Variants in TXNDC11 observed in about 807,000 individuals in gnomAD.
The protein encoded by TXNDC11 is thioredoxin domain-containing protein 11.
A neutral mutation model predicts 78.0 loss-of-function variants in TXNDC11; 68 were observed. The observed-to-expected ratio is 0.87, with a 90% confidence interval of 0.72 to 1.07. TXNDC11 has a LOEUF of 1.07. Ranked by LOEUF, TXNDC11 falls within the 50% of genes least tolerant of loss-of-function variation. TXNDC11 has a pLI of 0.00. For synonymous variants in TXNDC11, 571 were observed against 495.2 expected, an observed-to-expected ratio of 1.15 and a Z score of -2.03; for missense variants, 1,389 against 1,221.8, an observed-to-expected ratio of 1.14 and a Z score of -2.04.
chr16:11,719,940 C>T (rs1181125013), intron 5 of TXNDC11, among the ~76,000 whole-genome samples: 2 of 152,112 alleles, frequency 1.3e-5, no homozygotes, highest in Admixed American at 1.3e-4. Flanking sequence ...AGGCACATTC[C>T]AGGAAGAAGG....
At position 11,736,173 on chromosome 16, in the gene TXNDC11, A is replaced by C; in HGVS notation, c.315T>G (p.Ser105=). 6.2e-7 allele frequency: 1 copy of C among 1,614,160 alleles called. No individual in the cohort carries two copies. The highest frequency in any genetic ancestry group is 1.1e-5 in the South Asian group (1 of 91,084). Residue 105 remains serine, a synonymous_variant, in exon 2 of 12, where the codon TCT becomes TCG. Coordinates refer to ENST00000283033, the MANE Select transcript of TXNDC11 (RefSeq NM_015914.7). The stretch of plus-strand genomic sequence containing the variant: ...GCCCCTGGAAGAGGTCAAGGACTGG[A>C]GACCTCAAGGAGAAAAAGCTGACAG... ...KPPVSFFSLR[S]PVLDLFQGQL...
rs1173261895 is a variant in TXNDC11 at position 11,725,549 on chromosome 16, G to A, written c.700-3879C>T. Among the ~76,000 whole-genome samples, 4 of 152,136 alleles carry A rather than the reference G, an allele frequency of 2.6e-5. No individual in the cohort carries two copies. In the East Asian group the frequency reaches 7.7e-4, roughly 29 times the overall value. ...AGGAACATGATAGACAAGAATTTGG[G>A]GAGCCACAAGGCTGGGCTGTCGTCC... On this transcript the variant is annotated intron_variant, in intron 4 of 11. Coordinates refer to ENST00000283033, the MANE Select transcript of TXNDC11 (RefSeq NM_015914.7).
chr16:11,723,306 C>G (rs532279572), intron 4 of TXNDC11, among the ~76,000 whole-genome samples: 3 of 151,800 alleles, frequency 2.0e-5, no homozygotes, highest in Admixed American at 6.6e-5. Flanking sequence ...GATTCTCACT[C>G]TGTTGCCCTG....
At position 11,719,396 on chromosome 16, in the gene TXNDC11, G is replaced by T. The variant is rs140305736; in HGVS notation, c.793+2181C>A. ...CTGCTTAGTCACTTGAAACTGTGCA[G>T]CTCAAAGTCTTTCAATTAGACAGAC... On this transcript the variant is annotated intron_variant, in intron 5 of 11. Coordinates refer to ENST00000283033, the MANE Select transcript of TXNDC11 (RefSeq NM_015914.7). 1.9e-3 allele frequency among the ~76,000 whole-genome samples: 287 copies of T among 152,308 alleles called. 1 individual carries two copies. Among genetic ancestry groups the T allele is most frequent in the African/African-American group, 6.2e-3 (258 of 41,560 alleles).
In TXNDC11 at chr16:11,688,295, C is replaced by T. The variant is rs1446922478; in HGVS notation, c.2043+8G>A. 4 of 1,612,668 alleles carry T rather than the reference C, an allele frequency of 2.5e-6. No homozygotes were observed. The highest frequency in any genetic ancestry group is 2.5e-6 in the Non-Finnish European group (3 of 1,179,578). ...ATGGCTTAACTTTTGCCTCTCATGA[C>T]TCCATACCTGTTTTTGAAGGACTAC... On this transcript the variant is annotated splice_region_variant and intron_variant, in intron 9 of 11. Transcript: ENST00000283033.
rs1230347606 is a variant in TXNDC11, at chr16:11,691,743, A to C, written c.1447T>G (p.Tyr483Asp). Residue 483 changes from tyrosine to aspartate, a missense_variant, in exon 8 of 12, where the codon TAT becomes GAT. Physicochemically the swap from Tyr to Asp is radical, Grantham distance 160. Coordinates refer to ENST00000283033, the MANE Select transcript of TXNDC11 (RefSeq NM_015914.7). ...DSFYLKEQTF[Y>D]HVASDSIECS... is the part of the protein sequence containing the mutation. ...TCTATGCTGTCTGATGCCACATGAT[A>C]AAAGGTCTGCTCCTTGAGGTAGAAA... 1 of 1,614,230 alleles carries C rather than the reference A, an allele frequency of 6.2e-7. No individual in the cohort carries two copies. The highest frequency in any genetic ancestry group is 8.5e-7 in the Non-Finnish European group (1 of 1,180,048).
intron 5 of TXNDC11, among the ~76,000 whole-genome samples, chr16:11,717,015 T>C (rs1043865883): frequency 2.6e-5 from 4 of 151,430 alleles, no homozygotes; most frequent in African/African-American, 9.7e-5. Flanking sequence ...CTCTATATTT[T>C]AAGCCAAAGT....
In TXNDC11 at chr16:11,742,774, G is replaced by T; in HGVS notation, c.-44C>A. On this transcript the variant is annotated 5_prime_UTR_variant, in exon 1 of 12. Coordinates refer to ENST00000283033, the MANE Select transcript of TXNDC11 (RefSeq NM_015914.7). Reference sequence around the variant, plus strand: ...GGCTTTATACCGCCGCCGCCGCCTCGGGCCCGAAGGCCCGGCCCGGCCCGT... The same window carrying T: ...GGCTTTATACCGCCGCCGCCGCCTCTGGCCCGAAGGCCCGGCCCGGCCCGT... 1.4e-6 allele frequency: 2 copies of T among 1,415,174 alleles called. No individual in the cohort carries two copies. Among genetic ancestry groups the T allele is most frequent in the Non-Finnish European group, 1.8e-6 (2 of 1,091,272 alleles). 87.7% of individuals were successfully genotyped at this position (1,415,174 alleles called of 1,614,324 possible). A position where few individuals can be genotyped will look rare whatever the true frequency, so the allele number is the denominator to read the frequency against.
chr16:11,740,038 C>A (rs1471523833), intron 1 of TXNDC11, among the ~76,000 whole-genome samples: 1 of 151,130 alleles, frequency 6.6e-6, no homozygotes, highest in Admixed American at 6.6e-5. Context: ...ACGAAAAATA[C>A]AAAAATCAGC....
In TXNDC11 at chr16:11,733,549, C is replaced by G. The variant is rs540287632; in HGVS notation, c.569+433G>C. Among the ~76,000 whole-genome samples the G allele has an allele frequency of 8.5e-4, 129 of 152,132 alleles. No individual in the cohort carries two copies. In the Middle Eastern group the frequency reaches 0.014, roughly 16 times the overall value. Reference sequence around the variant, plus strand: ...CTCAAAAAAAAAAAAGAATTGTGGACATGGGACTGTGTACTTGTAGTAATT... The same window carrying G: ...CTCAAAAAAAAAAAAGAATTGTGGAGATGGGACTGTGTACTTGTAGTAATT... On this transcript the variant is annotated intron_variant, in intron 3 of 11. Transcript: ENST00000283033.
intron 10 of TXNDC11, among the ~76,000 whole-genome samples, chr16:11,685,383 C>G (rs994807196): frequency 1.3e-5 from 2 of 151,592 alleles, no homozygotes; most frequent in African/African-American, 4.9e-5. Flanking sequence ...TGGTGGCTCA[C>G]GTCTGTAATC....
At chr16:11,733,341 C>T (rs752155725) in intron 3 of TXNDC11, among the ~76,000 whole-genome samples, 6 of 151,436 alleles carry the variant, frequency 4.0e-5, no homozygotes, top group Non-Finnish European at 8.8e-5. Context: ...TGGACATGGG[C>T]GGTAAAACCC....
At chr16:11,701,128 CTTTTTT>C (rs397855467) in intron 5 of TXNDC11, among the ~76,000 whole-genome samples, 5 of 101,666 alleles carry the variant, frequency 4.9e-5, no homozygotes, top group East Asian at 2.5e-4. Flanking sequence ...CCAATGTCCT[CTTTTTT>C]TTTTTTTTTT....
intron 6 of TXNDC11, among the ~76,000 whole-genome samples, chr16:11,698,568 T>C (rs896775744): frequency 3.3e-5 from 5 of 152,256 alleles, no homozygotes; most frequent in Non-Finnish European, 7.3e-5. Context: ...CTTTCTGCCT[T>C]GAGACAGACC....
intron 6 of TXNDC11, among the ~76,000 whole-genome samples, chr16:11,698,782 C>T (rs954113991): frequency 6.6e-5 from 10 of 152,220 alleles, no homozygotes; most frequent in African/African-American, 2.2e-4. Flanking sequence ...ATGGAGCCTC[C>T]GTGCGGCACA....
In TXNDC11 at chr16:11,692,025, G is replaced by A; in HGVS notation, c.1165C>T (p.Leu389Phe). 6.4e-7 allele frequency: 1 copy of A among 1,558,306 alleles called. No homozygotes were observed. Among genetic ancestry groups the A allele is most frequent in the African/African-American group, 1.4e-5 (1 of 73,444 alleles). The part of the protein sequence containing the change: ...NCHGDQVVER[L>F]LQHLRRVDAP... Reference sequence around the variant, plus strand: ...TCCACCCGCCGCAGGTGCTGAAGGAGACGCTCCACCACCTGGTCCCCATGA... The same window carrying A: ...TCCACCCGCCGCAGGTGCTGAAGGAAACGCTCCACCACCTGGTCCCCATGA... Residue 389 changes from leucine to phenylalanine, a missense_variant, in exon 8 of 12, where the codon CTC becomes TTC. Coordinates refer to ENST00000283033, the MANE Select transcript of TXNDC11 (RefSeq NM_015914.7).
At chr16:11,713,903 A>T (rs886587854) in intron 5 of TXNDC11, among the ~76,000 whole-genome samples, 2 of 152,182 alleles carry the variant, frequency 1.3e-5, no homozygotes, top group Non-Finnish European at 2.9e-5. Flanking sequence ...GTTAAACTCA[A>T]TGTCTGGTCC....
intron 5 of TXNDC11, among the ~76,000 whole-genome samples, chr16:11,708,980 C>T (rs2051260095): frequency 6.6e-6 from 1 of 152,146 alleles, no homozygotes; most frequent in Non-Finnish European, 1.5e-5. Flanking sequence ...ATAACCATTT[C>T]CTGGTGATGT....
chr16:11,739,074 G>C (rs1316904299), intron 1 of TXNDC11, among the ~76,000 whole-genome samples: 1 of 152,190 alleles, frequency 6.6e-6, no homozygotes, highest in East Asian at 1.9e-4. Flanking sequence ...TGCAATCTGA[G>C]GAAAAATGTA....
Sources: allele counts gnomAD v4.1 joint callset (sites outside exome capture counted in the v4.1 genomes callset), GRCh38; gene constraint gnomAD v4.1.1; transcripts MANE v1.5; gene names NCBI Gene and HGNC (gene_info 2026-07-23, HGNC 2026-07-21).